The following CCSER1 variants were observed in gnomAD, a reference collection of about 807,000 sequenced individuals.
CCSER1 encodes the protein serine-rich coiled-coil domain-containing protein 1.
CCSER1 carries 41 observed loss-of-function variants against 82.0 expected under a neutral mutation model. The ratio of observed to expected loss-of-function variants is 0.50; its 90% CI spans 0.39 to 0.65. CCSER1 has a LOEUF of 0.65. Ranked by LOEUF, CCSER1 falls within the 30% of genes least tolerant of loss-of-function variation. The probability of loss-of-function intolerance (pLI) is 0.00; values close to 1 mark genes in which losing one functional copy is unlikely to be tolerated. For missense variants in CCSER1, 1,119 were observed against 1,064.2 expected (o/e 1.05, Z -0.72); for synonymous variants, 414 against 383.9 (o/e 1.08, Z -0.92).
At chr4:91,460,251 G>C (rs995434897) in intron 10 of CCSER1, among the ~76,000 whole-genome samples, 10 of 152,070 alleles carry the variant, frequency 6.6e-5, no homozygotes, top group Non-Finnish European at 1.5e-4. Flanking sequence ...CGTAGGGATG[G>C]GTTAGGGTAC....
rs775478498 is a variant in CCSER1 at position 90,697,527 on chromosome 4, T to TA, written c.1933-26378dup. Among the ~76,000 whole-genome samples the TA allele has an allele frequency of 6.7e-4, 101 of 151,134 alleles. 1 individual carries two copies. The highest frequency in any genetic ancestry group is 1.7e-3 in the African/African-American group (70 of 41,130). On this transcript the variant is annotated intron_variant, in intron 6 of 10. Coordinates refer to ENST00000509176, the MANE Select transcript of CCSER1 (RefSeq NM_001145065.2). ...TCATTTATCCTGTAAGGAAATTATT[T>TA]AAAAAAAAACAATTCTTACCTACTT...
intron 6 of CCSER1, among the ~76,000 whole-genome samples, chr4:90,712,517 A>G (rs1348790729): frequency 2.0e-5 from 3 of 151,724 alleles, no homozygotes; most frequent in East Asian, 3.9e-4. Flanking sequence ...TTTATGATTT[A>G]AAATCTTTTG....
chr4:91,062,581 C>T (rs552500437), intron 9 of CCSER1, among the ~76,000 whole-genome samples: 1 of 152,212 alleles, frequency 6.6e-6, no homozygotes, highest in South Asian at 2.1e-4. Flanking sequence ...AGGTACACCA[C>T]ATTAAAACAC....
At chr4:90,889,985 C>T (rs949638278) in intron 8 of CCSER1, among the ~76,000 whole-genome samples, 1 of 152,050 alleles carries the variant, frequency 6.6e-6, no homozygotes, top group Admixed American at 6.6e-5. Context: ...GCATAAAGAG[C>T]ATATTTTCTT....
rs1346355563 is a variant in CCSER1 at position 90,933,010 on chromosome 4, A to AAG, written c.2172+9565_2172+9566dup. ...AAAGAAAGAAAGAAAGAAAGAAAGA[A>AAG]AGAAAGAAAGAAAGAAAGAAAGAAA... is the stretch of plus-strand genomic sequence containing the variant. On this transcript the variant is annotated intron_variant, in intron 9 of 10. Transcript: ENST00000509176. Among the ~76,000 whole-genome samples, 288 of 82,848 alleles carry AAG rather than the reference A, an allele frequency of 3.5e-3. 84 individuals are homozygous for AAG. Among genetic ancestry groups the AAG allele is most frequent in the African/African-American group, 0.026 (274 of 10,568 alleles). The allele number at this position is 82,848 out of a possible 152,430, so 54.4% of individuals were successfully genotyped here. A position where few individuals can be genotyped will look rare whatever the true frequency, so the allele number is the denominator to read the frequency against.
chr4:91,321,411 A>G (rs1396662468), intron 10 of CCSER1, among the ~76,000 whole-genome samples: 1 of 152,074 alleles, frequency 6.6e-6, no homozygotes, highest in Non-Finnish European at 1.5e-5. Context: ...TAGAGGCTCA[A>G]TGTCCAGACT....
At chr4:90,467,236 A>C (rs1487921057) in intron 4 of CCSER1, among the ~76,000 whole-genome samples, 1 of 151,978 alleles carries the variant, frequency 6.6e-6, no homozygotes, top group Non-Finnish European at 1.5e-5. Context: ...AAATACAAAA[A>C]TTAGCTTGGC....
At chr4:91,496,579 TATATATACACGAATATATATTTGA>T (rs1217286948) in intron 10 of CCSER1, among the ~76,000 whole-genome samples, 716 of 64,520 alleles carry the variant, frequency 0.011, 194 homozygotes, top group East Asian at 0.033. Flanking sequence ...TATATATATA[TATATATACACGAATATATATTTGA>T]ATATATATAT....
At chr4:90,421,225 C>T (rs1375239195) in intron 4 of CCSER1, among the ~76,000 whole-genome samples, 1 of 152,160 alleles carries the variant, frequency 6.6e-6, no homozygotes, top group Non-Finnish European at 1.5e-5. Flanking sequence ...TTCTATTCAT[C>T]AGGTCATATG....
intron 10 of CCSER1, among the ~76,000 whole-genome samples, chr4:91,481,037 C>CTCCCCTCCCCACCCCTGCCCTCCCT (rs1757878249): frequency 7.0e-6 from 1 of 142,550 alleles, no homozygotes; most frequent in Non-Finnish European, 1.5e-5. Flanking sequence ...TACCATTTCC[C>CTCCCCTCCCCACCCCTGCCCTCCCT]TCCCCTCCCC....
rs70963098 is a variant in CCSER1 at position 90,930,910 on chromosome 4, T to TTATATATATATATATA, written c.2172+7478_2172+7493dup. 1.1e-3 allele frequency among the ~76,000 whole-genome samples: 118 copies of TTATATATATATATATA among 109,592 alleles called. 1 individual carries two copies. Among genetic ancestry groups the TTATATATATATATATA allele is most frequent in the Middle Eastern group, 5.7e-3 (1 of 176 alleles). The allele number at this position is 109,592 out of a possible 152,430, so 71.9% of individuals were successfully genotyped here. A position where few individuals can be genotyped will look rare whatever the true frequency, so the allele number is the denominator to read the frequency against. On this transcript the variant is annotated intron_variant, in intron 9 of 10. Transcript: ENST00000509176. ...TTGCAAAAGGAAATTTATCCTTATT[T>TTATATATATATATATA]TATATATATATATATATATATATAT...
intron 1 of CCSER1, among the ~76,000 whole-genome samples, chr4:90,285,073 A>G (rs181288398): frequency 6.6e-6 from 1 of 152,184 alleles, no homozygotes; most frequent in East Asian, 1.9e-4. Flanking sequence ...ATTTGAAGTC[A>G]GGTAATGCAA....
At chr4:90,168,395 A>G (rs1422163575) in intron 1 of CCSER1, among the ~76,000 whole-genome samples, 1 of 151,988 alleles carries the variant, frequency 6.6e-6, no homozygotes, top group Non-Finnish European at 1.5e-5. Context: ...AGATGAGTAG[A>G]TTGAAAAAAT....
chr4:90,344,210 T>A (rs998094251), intron 3 of CCSER1, among the ~76,000 whole-genome samples: 2 of 152,216 alleles, frequency 1.3e-5, no homozygotes, highest in African/African-American at 4.8e-5. Context: ...TTGTTCCAGA[T>A]GAAAGGATGC....
At chr4:90,862,066 G>T (rs1765178799) in intron 8 of CCSER1, among the ~76,000 whole-genome samples, 1 of 151,238 alleles carries the variant, frequency 6.6e-6, no homozygotes, top group African/African-American at 2.4e-5. Flanking sequence ...CACAGACTAA[G>T]AATAGGTAGT....
Position 91,278,495 on chromosome 4 carries a change from A to T in CCSER1, c.2217+192501A>T, listed in dbSNP as rs189927150. Among the ~76,000 whole-genome samples the T allele has an allele frequency of 3.2e-4, 49 of 152,076 alleles. No individual in the cohort carries two copies. In the East Asian group the frequency reaches 8.7e-3, roughly 27 times the overall value. On this transcript the variant is annotated intron_variant, in intron 10 of 10. Transcript: ENST00000509176. ...GAAGTAAGTATAGCTACTCCTGATCATTTTGGTTTCTGTTTGCATGGAGTA... is the reference window on the plus strand; with the variant it reads ...GAAGTAAGTATAGCTACTCCTGATCTTTTTGGTTTCTGTTTGCATGGAGTA...
chr4:90,538,195 G>T (rs533369197), intron 5 of CCSER1, among the ~76,000 whole-genome samples: 1 of 152,048 alleles, frequency 6.6e-6, no homozygotes, highest in East Asian at 1.9e-4. Context: ...TTGCCTGTGA[G>T]TAGGGATGGG....
At chr4:91,431,239 A>G (rs1372780512) in intron 10 of CCSER1, among the ~76,000 whole-genome samples, 1 of 152,128 alleles carries the variant, frequency 6.6e-6, no homozygotes, top group African/African-American at 2.4e-5. Context: ...CCATCTCAAA[A>G]ACAGCAACAA....
intron 6 of CCSER1, among the ~76,000 whole-genome samples, chr4:90,645,376 A>G (rs990002536): frequency 1.3e-5 from 2 of 152,196 alleles, no homozygotes; most frequent in African/African-American, 4.8e-5. Flanking sequence ...GTGTTATAGT[A>G]ATGATATTCG....
Sources: allele counts gnomAD v4.1 joint callset (sites outside exome capture counted in the v4.1 genomes callset), GRCh38; gene constraint gnomAD v4.1.1; transcripts MANE v1.5; gene names NCBI Gene and HGNC (gene_info 2026-07-23, HGNC 2026-07-21).